Variants in MEIS2 observed in about 807,000 individuals in gnomAD.
MEIS2 encodes the protein homeobox protein Meis2.
In MEIS2, 9 loss-of-function variants were observed where a neutral mutation model predicts 58.6. The observed-to-expected ratio is 0.15, with a 90% CI of 0.09 to 0.27. MEIS2 has a LOEUF of 0.27. Among genes scored for constraint, MEIS2 ranks in the 10% least tolerant of loss-of-function variants. The probability of loss-of-function intolerance (pLI) is 1.00; values close to 1 mark genes in which losing one functional copy is unlikely to be tolerated. For missense variants in MEIS2, 427 were observed against 635.0 expected (o/e 0.67, Z 3.52); for synonymous variants, 221 against 228.4 (o/e 0.97, Z 0.29).
rs1567192291 is a variant in MEIS2 at position 37,021,929 on chromosome 15, C to T, written c.900+14885G>A. Among the ~76,000 whole-genome samples the T allele has an allele frequency of 2.0e-5, 3 of 152,066 alleles. No individual in the cohort carries two copies. The East Asian group carries it at 5.8e-4, about 29-fold the overall frequency. On this transcript the variant is annotated intron_variant, in intron 8 of 11. Coordinates refer to ENST00000561208, the MANE Select transcript of MEIS2 (RefSeq NM_170675.5). ...TTTGCCTAGCAACACATAGAGATTT[C>T]CCCTTATCTCAAAATACTTTTGGAA...
chr15:36,890,063 G>A lies in MEIS2; in HGVS notation c.*2110C>T, dbSNP rs550185326. The A allele has an allele frequency of 6.6e-6, 1 of 152,288 alleles. No homozygotes were observed. Among genetic ancestry groups the A allele is most frequent in the African/African-American group, 2.4e-5 (1 of 41,584 alleles). 9.4% of individuals were successfully genotyped at this position (152,288 alleles called of 1,614,324 possible). A position where few individuals can be genotyped will look rare whatever the true frequency, so the allele number is the denominator to read the frequency against. The stretch of plus-strand genomic sequence containing the variant: ...ACCTCCATAAATGCTGTCTGAAATG[G>A]AAAGATGGAAGAGCCCCAAATAATA... On this transcript the variant is annotated 3_prime_UTR_variant, in exon 12 of 12. Transcript: ENST00000561208.
At chr15:36,980,168 T>C (rs1454041918) in intron 8 of MEIS2, among the ~76,000 whole-genome samples, 1 of 152,112 alleles carries the variant, frequency 6.6e-6, no homozygotes, top group Non-Finnish European at 1.5e-5. Flanking sequence ...GTCACATGTT[T>C]ATTGTGAATA....
chr15:37,037,262 G>A (rs910782636), intron 7 of MEIS2, among the ~76,000 whole-genome samples: 4 of 152,168 alleles, frequency 2.6e-5, no homozygotes, highest in African/African-American at 9.7e-5. Context: ...ACCGCCATCA[G>A]AAAACCTATT....
chr15:37,058,066 G>C (rs1321799680), intron 7 of MEIS2, among the ~76,000 whole-genome samples: 4 of 152,142 alleles, frequency 2.6e-5, no homozygotes, highest in African/African-American at 9.7e-5. Flanking sequence ...TTACAGCCCT[G>C]TACAATGGAT....
At chr15:37,046,377 C>T (rs746739460) in intron 7 of MEIS2, among the ~76,000 whole-genome samples, 1 of 152,108 alleles carries the variant, frequency 6.6e-6, no homozygotes, top group Non-Finnish European at 1.5e-5. Context: ...GAAAACCCAG[C>T]CAAGGCTGTG....
intron 9 of MEIS2, among the ~76,000 whole-genome samples, chr15:36,933,677 G>A (rs772627792): frequency 4.6e-5 from 7 of 152,038 alleles, no homozygotes; most frequent in Non-Finnish European, 1.0e-4. Context: ...CAGTGAAATC[G>A]TACTACCTGT....
chr15:36,924,830 A>G (rs1395668258), intron 9 of MEIS2, among the ~76,000 whole-genome samples: 1 of 152,216 alleles, frequency 6.6e-6, no homozygotes, highest in South Asian at 2.1e-4. Flanking sequence ...TGTGACAACC[A>G]GAAATATTTC....
At chr15:36,912,914 C>T (rs994037444) in intron 9 of MEIS2, among the ~76,000 whole-genome samples, 1 of 151,646 alleles carries the variant, frequency 6.6e-6, no homozygotes, top group Admixed American at 6.6e-5. Flanking sequence ...GTGTGTTGTA[C>T]CCGTCCCTCA....
At chr15:36,938,881 C>G (rs772877036) in intron 9 of MEIS2, among the ~76,000 whole-genome samples, 1 of 152,130 alleles carries the variant, frequency 6.6e-6, no homozygotes, top group African/African-American at 2.4e-5. Context: ...ATGTCCAGCC[C>G]GTTCTCTTTC....
At position 37,096,285 on chromosome 15, in the gene MEIS2, G is replaced by C. The variant is rs774828146; in HGVS notation, c.387+4C>G. 6.2e-7 allele frequency: 1 copy of C among 1,601,860 alleles called. No homozygotes were observed. The highest frequency in any genetic ancestry group is 8.5e-7 in the Non-Finnish European group (1 of 1,172,886). ...CGAAGTTGAGTGGATCAAGAAGGCT[G>C]GACCTGCTTGGCGAAGACCGCGATG... is the stretch of plus-strand genomic sequence containing the variant. On this transcript the variant is annotated splice_donor_region_variant and intron_variant, in intron 3 of 11. Coordinates refer to ENST00000561208, the MANE Select transcript of MEIS2 (RefSeq NM_170675.5).
chr15:36,921,019 C>A (rs2057487122), intron 9 of MEIS2, among the ~76,000 whole-genome samples: 1 of 152,064 alleles, frequency 6.6e-6, no homozygotes. Context: ...AAAAAAAAAC[C>A]TCTGTTGTTC....
intron 7 of MEIS2, among the ~76,000 whole-genome samples, chr15:37,079,177 G>A (rs1023791879): frequency 6.6e-6 from 1 of 151,994 alleles, no homozygotes; most frequent in African/African-American, 2.4e-5. Context: ...ATATACAACA[G>A]TTTATTCTAT....
At chr15:37,095,187 G>A (rs1275274092) in intron 4 of MEIS2, among the ~76,000 whole-genome samples, 1 of 43,310 alleles carries the variant, frequency 2.3e-5, no homozygotes, top group South Asian at 7.4e-4. Context: ...CCCCCAGCCC[G>A]CCCTCAGCCG....
intron 7 of MEIS2, among the ~76,000 whole-genome samples, chr15:37,042,642 A>G (rs1022628947): frequency 3.3e-5 from 5 of 152,194 alleles, no homozygotes; most frequent in Admixed American, 3.3e-4. Flanking sequence ...GCTTGATTCT[A>G]TAGGAAAAGG....
intron 8 of MEIS2, among the ~76,000 whole-genome samples, chr15:37,017,632 A>T (rs2141660619): frequency 6.6e-6 from 1 of 152,256 alleles, no homozygotes; most frequent in African/African-American, 2.4e-5. Flanking sequence ...ATTATATCTC[A>T]TTATGAGAAA....
chr15:36,994,078 T>C (rs2060393042), intron 8 of MEIS2, among the ~76,000 whole-genome samples: 1 of 152,126 alleles, frequency 6.6e-6, no homozygotes. Flanking sequence ...GTGGGTGGTA[T>C]AGTTTTGAGA....
At chr15:36,913,672 T>C (rs2057144810) in intron 9 of MEIS2, among the ~76,000 whole-genome samples, 1 of 152,116 alleles carries the variant, frequency 6.6e-6, no homozygotes, top group Admixed American at 6.5e-5. Context: ...CATATGCACC[T>C]ATTTTTCACA....
chr15:36,946,042 G>A (rs1006244215), intron 9 of MEIS2, among the ~76,000 whole-genome samples: 1 of 151,832 alleles, frequency 6.6e-6, no homozygotes, highest in Non-Finnish European at 1.5e-5. Flanking sequence ...CTGGAAATAG[G>A]AACATTTAAG....
chr15:37,039,356 A>G (rs1011922502), intron 7 of MEIS2, among the ~76,000 whole-genome samples: 1 of 152,174 alleles, frequency 6.6e-6, no homozygotes, highest in Non-Finnish European at 1.5e-5. Context: ...CTAAGCACAT[A>G]TGGTTTCTGT....
Sources: gnomAD v4.1 joint callset for allele counts (sites outside exome capture counted in the v4.1 genomes callset) on GRCh38, gnomAD v4.1.1 for gene constraint, MANE v1.5 for transcripts, NCBI Gene and HGNC (gene_info 2026-07-23, HGNC 2026-07-21) for gene names.